SGIP1: variants seen among roughly 807,000 people sequenced by gnomAD.
SGIP1 encodes SH3-containing GRB2-like protein 3-interacting protein 1.
In SGIP1, 38 loss-of-function variants were observed where a neutral mutation model predicts 107.5. The observed-to-expected ratio is 0.35, with a 90% CI of 0.27 to 0.46. The LOEUF is 0.46. Among genes scored for constraint, SGIP1 ranks in the 20% least tolerant of loss-of-function variants. The pLI is 1.00. For synonymous variants in SGIP1, 365 were observed against 366.1 expected (o/e 1.00, Z 0.03); for missense variants, 929 against 1,019.5 (o/e 0.91, Z 1.21).
At chr1:66,632,533 G>C (rs539382536) in intron 2 of SGIP1, among the ~76,000 whole-genome samples, 1 of 152,172 alleles carries the variant, frequency 6.6e-6, no homozygotes, top group African/African-American at 2.4e-5. Flanking sequence ...CCAGCTTCTC[G>C]GGAGGCTGGA....
chr1:66,701,757 G>A (rs529930203), intron 18 of SGIP1, among the ~76,000 whole-genome samples: 37 of 152,248 alleles, frequency 2.4e-4, no homozygotes, highest in African/African-American at 8.9e-4. Context: ...CAGTTGTCCT[G>A]TCTCATTCAT....
intron 17 of SGIP1, chr1:66,694,439 T>C: frequency 6.2e-7 from 1 of 1,607,350 alleles, no homozygotes; most frequent in South Asian, 1.1e-5. Flanking sequence ...TGGTTCGTAG[T>C]GTCAGAAGAC....
chr1:66,644,409 A>G (rs2077301910), intron 7 of SGIP1, among the ~76,000 whole-genome samples: 1 of 151,824 alleles, frequency 6.6e-6, no homozygotes. Flanking sequence ...CCCAGCTACT[A>G]AGTTTCTTTA....
rs185249598 is a variant in SGIP1 at position 66,567,408 on chromosome 1, T to A, written c.10+33040T>A. ...CTTATAGATTCTGAATATTAGACCT[T>A]TGTCAGATGGGTAGATTGCAAAAAT... On this transcript the variant is annotated intron_variant, in intron 1 of 24. Transcript: ENST00000371037. 7.6e-3 allele frequency among the ~76,000 whole-genome samples: 1,150 copies of A among 152,282 alleles called. 13 individuals carry two copies. Among genetic ancestry groups the A allele is most frequent in the African/African-American group, 0.026 (1,067 of 41,556 alleles).
At chr1:66,551,798 A>G (rs768763793) in intron 1 of SGIP1, among the ~76,000 whole-genome samples, 3 of 152,168 alleles carry the variant, frequency 2.0e-5, no homozygotes, top group Non-Finnish European at 4.4e-5. Flanking sequence ...GCATAGATGA[A>G]CGCCATATAT....
At chr1:66,707,151 C>T (rs1057385956) in intron 18 of SGIP1, among the ~76,000 whole-genome samples, 1 of 152,094 alleles carries the variant, frequency 6.6e-6, no homozygotes, top group Non-Finnish European at 1.5e-5. Context: ...TCCCAAGAAG[C>T]CATACACTGG....
chr1:66,553,496 T>G (rs1022813488), intron 1 of SGIP1, among the ~76,000 whole-genome samples: 1 of 151,960 alleles, frequency 6.6e-6, no homozygotes, highest in Non-Finnish European at 1.5e-5. Flanking sequence ...GCCAACGTGG[T>G]GAAACCTCAC....
At chr1:66,666,596 A>T (rs551695532) in intron 8 of SGIP1, 6 of 152,500 alleles carry the variant, frequency 3.9e-5, no homozygotes, top group African/African-American at 1.4e-4. Context: ...GATTCTTCCT[A>T]TCCATGAGCA....
intron 18 of SGIP1, among the ~76,000 whole-genome samples, chr1:66,718,738 G>A (rs4463637): frequency 0.02 from 3,006 of 152,078 alleles, 96 homozygotes; most frequent in African/African-American, 0.068. Context: ...GTGGTAAGTC[G>A]ATGTGTATAG....
At chr1:66,594,766 T>G (rs2064291455) in intron 1 of SGIP1, among the ~76,000 whole-genome samples, 1 of 152,178 alleles carries the variant, frequency 6.6e-6, no homozygotes, top group Non-Finnish European at 1.5e-5. Context: ...GGGTTGCTGA[T>G]ATTCTCAAGT....
intron 1 of SGIP1, among the ~76,000 whole-genome samples, chr1:66,552,690 T>C (rs1428320781): frequency 6.6e-6 from 1 of 152,154 alleles, no homozygotes; most frequent in African/African-American, 2.4e-5. Flanking sequence ...AATACCTGTC[T>C]CATGAAGTTA....
chr1:66,611,623 G>C (rs1387231848), intron 1 of SGIP1, among the ~76,000 whole-genome samples: 2 of 152,190 alleles, frequency 1.3e-5, no homozygotes, highest in East Asian at 3.8e-4. Flanking sequence ...CTTTTCCGTG[G>C]CAATCTTGGA....
rs374190986 is a variant in SGIP1, at chr1:66,608,788, G to A, written c.11-17059G>A. ...AGGAGGCACTGAGTGAGAGTGTGAG[G>A]GTCTCTTCAGTGTTGTATGGACTCG... On this transcript the variant is annotated intron_variant, in intron 1 of 24. Coordinates refer to ENST00000371037, the MANE Select transcript of SGIP1 (RefSeq NM_032291.4). 2.2e-4 allele frequency among the ~76,000 whole-genome samples: 34 copies of A among 152,166 alleles called. No homozygotes were observed. In the South Asian group the frequency reaches 5.2e-3, roughly 23 times the overall value.
intron 9 of SGIP1, among the ~76,000 whole-genome samples, chr1:66,668,222 G>T (rs1367875948): frequency 6.6e-6 from 1 of 151,690 alleles, no homozygotes; most frequent in African/African-American, 2.4e-5. Context: ...GACGGATCTC[G>T]CTCTGTTGCC....
intron 15 of SGIP1, chr1:66,684,252 G>A (rs2150029707): frequency 6.5e-7 from 1 of 1,548,286 alleles, no homozygotes; most frequent in Non-Finnish European, 8.7e-7. Context: ...GTAAGGTTTG[G>A]TCATAAATAT....
At chr1:66,587,398 G>T (rs1304620351) in intron 1 of SGIP1, among the ~76,000 whole-genome samples, 1 of 150,684 alleles carries the variant, frequency 6.6e-6, no homozygotes. Context: ...TCTATTTTCT[G>T]ATTTGGTAAT....
At chr1:66,700,214 T>C (rs1026087583) in intron 18 of SGIP1, among the ~76,000 whole-genome samples, 1 of 151,804 alleles carries the variant, frequency 6.6e-6, no homozygotes, top group African/African-American at 2.4e-5. Context: ...CTACTAACAA[T>C]ACAAAAATTA....
chr1:66,749,817 A>G lies in SGIP1; in HGVS notation c.*6722A>G, dbSNP rs1255796827. Among the ~76,000 whole-genome samples the G allele has an allele frequency of 1.3e-5, 2 of 152,118 alleles. No homozygotes were observed. The highest frequency in any genetic ancestry group is 2.4e-5 in the African/African-American group (1 of 41,432). ...CCATCACTCTAAGGTATTTTAAATC[A>G]TACAACAAGTAACTATCACAAGAAC... On this transcript the variant is annotated 3_prime_UTR_variant, in exon 25 of 25. Transcript: ENST00000371037.
chr1:66,611,960 A>G (rs114294214), intron 1 of SGIP1, among the ~76,000 whole-genome samples: 15 of 152,340 alleles, frequency 9.8e-5, no homozygotes, highest in Non-Finnish European at 1.8e-4. Flanking sequence ...AGTATTATTC[A>G]ACAGAAGTTG....
Sources: allele counts gnomAD v4.1 joint callset (sites outside exome capture counted in the v4.1 genomes callset), GRCh38; gene constraint gnomAD v4.1.1; transcripts MANE v1.5; gene names NCBI Gene and HGNC (gene_info 2026-07-23, HGNC 2026-07-21).